DLGAP1: variants seen among roughly 807,000 people sequenced by gnomAD.
DLGAP1 encodes the protein disks large-associated protein 1.
Under a neutral mutation model 90.8 loss-of-function variants are expected in DLGAP1, and 11 were observed. The observed-to-expected ratio is 0.12, with a 90% CI of 0.08 to 0.20. DLGAP1 has a LOEUF of 0.20. Ranked by LOEUF, DLGAP1 falls within the 10% of genes least tolerant of loss-of-function variation. DLGAP1 has a pLI of 1.00. For synonymous variants in DLGAP1, 558 were observed against 540.7 expected (o/e 1.03, Z -0.44); for missense variants, 1,050 against 1,333.8 (o/e 0.79, Z 3.31).
intron 4 of DLGAP1, among the ~76,000 whole-genome samples, chr18:3,877,537 T>C (rs1372880074): frequency 1.3e-5 from 2 of 152,236 alleles, no homozygotes; most frequent in Non-Finnish European, 2.9e-5. Context: ...TCTAGGGCTT[T>C]TATCTCTTTA....
intron 7 of DLGAP1, among the ~76,000 whole-genome samples, chr18:3,594,757 A>G (rs1286438906): frequency 6.6e-6 from 1 of 152,156 alleles, no homozygotes; most frequent in African/African-American, 2.4e-5. Context: ...CTTTCTTCAC[A>G]TCCTAGTCAC....
intron 2 of DLGAP1, among the ~76,000 whole-genome samples, chr18:4,055,561 C>T (rs2075202065): frequency 6.6e-6 from 1 of 152,104 alleles, no homozygotes; most frequent in Non-Finnish European, 1.5e-5. Context: ...GTTGTTGTTC[C>T]TGCATTAGTT....
chr18:3,872,052 T>A (rs2070778387), intron 4 of DLGAP1, among the ~76,000 whole-genome samples: 2 of 151,918 alleles, frequency 1.3e-5, no homozygotes, highest in Admixed American at 1.3e-4. Flanking sequence ...GACCCACATA[T>A]CCAGAAAATT....
intron 1 of DLGAP1, among the ~76,000 whole-genome samples, chr18:4,407,923 C>T (rs2082698593): frequency 5.9e-5 from 9 of 151,938 alleles, no homozygotes; most frequent in Admixed American, 5.9e-4. Flanking sequence ...CTAACAGGCA[C>T]TCAACAGACA....
chr18:3,922,729 T>C (rs549291617), intron 3 of DLGAP1, among the ~76,000 whole-genome samples: 15 of 152,318 alleles, frequency 9.8e-5, no homozygotes, highest in Non-Finnish European at 1.5e-4. Context: ...CTCAGTTATT[T>C]TCATATATAT....
chr18:3,811,891 C>T (rs954274367), intron 5 of DLGAP1, among the ~76,000 whole-genome samples: 1 of 152,202 alleles, frequency 6.6e-6, no homozygotes, highest in Non-Finnish European at 1.5e-5. Context: ...GCCCTGTCCT[C>T]AGTCTCCTCA....
chr18:4,448,719 C>T (rs2083732396), intron 1 of DLGAP1, among the ~76,000 whole-genome samples: 1 of 152,034 alleles, frequency 6.6e-6, no homozygotes, highest in South Asian at 2.1e-4. Flanking sequence ...GATAGTAGAA[C>T]AGAATACACT....
intron 1 of DLGAP1, among the ~76,000 whole-genome samples, chr18:4,406,242 G>T (rs1207832465): frequency 6.6e-6 from 1 of 152,180 alleles, no homozygotes; most frequent in Non-Finnish European, 1.5e-5. Context: ...CCAATCAGAA[G>T]TAGTTTCCAT....
At chr18:3,548,984 C>T (rs1234098757) in intron 9 of DLGAP1, among the ~76,000 whole-genome samples, 1 of 152,140 alleles carries the variant, frequency 6.6e-6, no homozygotes, top group African/African-American at 2.4e-5. Context: ...TGGCAGTAAG[C>T]CAAGATTGCG....
intron 2 of DLGAP1, among the ~76,000 whole-genome samples, chr18:4,103,283 G>T (rs1454227462): frequency 6.6e-6 from 1 of 152,122 alleles, no homozygotes. Flanking sequence ...CTGGTATCTT[G>T]TTCAGGAGCT....
chr18:4,232,753 T>C (rs1315005023), intron 1 of DLGAP1, among the ~76,000 whole-genome samples: 8 of 152,140 alleles, frequency 5.3e-5, no homozygotes, highest in Admixed American at 4.6e-4. Context: ...TCCTCTCATA[T>C]GGGACTTAGG....
intron 1 of DLGAP1, among the ~76,000 whole-genome samples, chr18:4,164,737 A>T (rs1206438980): frequency 6.6e-6 from 1 of 152,158 alleles, no homozygotes; most frequent in Non-Finnish European, 1.5e-5. Flanking sequence ...AAACAAATGC[A>T]AGTGCTCTTG....
Position 3,853,994 on chromosome 18 carries a change from AACAACAACAC to A in DLGAP1, c.957+25108_957+25117del, listed in dbSNP as rs140931404. Among the ~76,000 whole-genome samples, 1,436 of 152,240 alleles carry A rather than the reference AACAACAACAC, an allele frequency of 9.4e-3. 56 individuals carry two copies. Among genetic ancestry groups the A allele is most frequent in the East Asian group, 0.07 (364 of 5,178 alleles). On this transcript the variant is annotated intron_variant, in intron 4 of 12. Coordinates refer to ENST00000315677, the MANE Select transcript of DLGAP1 (RefSeq NM_004746.4). ...AATATTATCAGTCTTTCCAAAGAAC[AACAACAACAC>A]AAACTTGCTAACAGTGATTATGTCT...
intron 1 of DLGAP1, among the ~76,000 whole-genome samples, chr18:4,334,952 T>C (rs962888087): frequency 1.3e-5 from 2 of 151,978 alleles, no homozygotes; most frequent in Non-Finnish European, 1.5e-5. Context: ...AGTATTTACA[T>C]TTGGCTTTGA....
At chr18:4,013,710 A>G (rs1388272365) in intron 2 of DLGAP1, 1 of 152,188 alleles carries the variant, frequency 6.6e-6, no homozygotes, top group African/African-American at 2.4e-5. Flanking sequence ...GCTTCTAACA[A>G]TCGTAAAATT....
Position 3,506,819 on chromosome 18 carries a change from C to A in DLGAP1, c.2571+1751G>T, listed in dbSNP as rs751481586. Among the ~76,000 whole-genome samples, 304 of 152,288 alleles carry A rather than the reference C, an allele frequency of 2.0e-3. 5 individuals carry two copies. The highest frequency in any genetic ancestry group is 1.4e-3 in the East Asian group (7 of 5,182). ...GAATCATGTTAATTGAGATCTGTGACACATTAGCAAGTTTGCAAATTAACA... is the reference window on the plus strand; with the variant it reads ...GAATCATGTTAATTGAGATCTGTGAAACATTAGCAAGTTTGCAAATTAACA... On this transcript the variant is annotated intron_variant, in intron 11 of 12. Transcript: ENST00000315677.
intron 4 of DLGAP1, among the ~76,000 whole-genome samples, chr18:3,862,354 T>C (rs183035567): frequency 1.4e-3 from 209 of 152,284 alleles, no homozygotes; most frequent in African/African-American, 4.8e-3. Flanking sequence ...AATTTACAAG[T>C]AAATGTGAGG....
intron 7 of DLGAP1, among the ~76,000 whole-genome samples, chr18:3,692,490 C>T (rs765676823): frequency 4.6e-5 from 7 of 152,138 alleles, no homozygotes; most frequent in Non-Finnish European, 7.3e-5. Context: ...ACCTTCACTC[C>T]CAATTTACAG....
chr18:3,592,745 G>T (rs2056321901), intron 7 of DLGAP1, among the ~76,000 whole-genome samples: 1 of 149,222 alleles, frequency 6.7e-6, no homozygotes, highest in African/African-American at 2.5e-5. Context: ...TCGGTAGGCT[G>T]AGGTGGGAGG....
Sources: gnomAD v4.1 joint callset for allele counts (sites outside exome capture counted in the v4.1 genomes callset) on GRCh38, gnomAD v4.1.1 for gene constraint, MANE v1.5 for transcripts, NCBI Gene and HGNC (gene_info 2026-07-23, HGNC 2026-07-21) for gene names.